The following TP63 variants were observed in gnomAD, a reference collection of about 807,000 sequenced individuals.
TP63 encodes tumor protein 63.
Under a neutral mutation model 82.8 loss-of-function variants are expected in TP63, and 17 were observed. The observed-to-expected ratio is 0.21, with a 90% CI of 0.14 to 0.31. TP63 has a LOEUF of 0.31. Ranked by LOEUF, TP63 falls within the 10% of genes least tolerant of loss-of-function variation. The pLI, the probability that TP63 is intolerant of heterozygous loss-of-function variation, is 1.00. For missense variants in TP63, 648 were observed against 895.3 expected, an observed-to-expected ratio of 0.72 and a Z score of 3.52; for synonymous variants, 330 against 321.7, an observed-to-expected ratio of 1.03 and a Z score of -0.28.
At chr3:189,837,949 A>T (rs1179824174) in intron 4 of TP63, among the ~76,000 whole-genome samples, 1 of 152,156 alleles carries the variant, frequency 6.6e-6, no homozygotes, top group Admixed American at 6.5e-5. Context: ...ATGCTGAAAA[A>T]TTTCATTGCT....
intron 3 of TP63, among the ~76,000 whole-genome samples, chr3:189,764,856 T>C (rs1202913019): frequency 6.6e-6 from 1 of 152,148 alleles, no homozygotes; most frequent in African/African-American, 2.4e-5. Context: ...GAAAATAAAC[T>C]AGAAATAAGA....
chr3:189,842,912 T>G (rs1322429027), intron 4 of TP63, among the ~76,000 whole-genome samples: 1 of 152,144 alleles, frequency 6.6e-6, no homozygotes, highest in Non-Finnish European at 1.5e-5. Context: ...ATATTACTGG[T>G]CAGGTGGGGT....
chr3:189,895,303 A>G lies in TP63; in HGVS notation c.*801A>G. The G allele has an allele frequency of 4.5e-6, 1 of 220,076 alleles. No individual in the cohort carries two copies. Among genetic ancestry groups the G allele is most frequent in the Non-Finnish European group, 9.1e-6 (1 of 109,830 alleles). The allele number at this position is 220,076 out of a possible 1,614,324, so 13.6% of individuals were successfully genotyped here. ...GTTGGGAATGAGGAAAATTCTTAAA[A>G]GGCCCATAGCAGCCAGTTCAAAAAC... On this transcript the variant is annotated 3_prime_UTR_variant, in exon 14 of 14. Coordinates refer to ENST00000264731, the MANE Select transcript of TP63 (RefSeq NM_003722.5).
intron 3 of TP63, among the ~76,000 whole-genome samples, chr3:189,739,398 G>A (rs1339552266): frequency 2.0e-5 from 3 of 152,192 alleles, no homozygotes; most frequent in Admixed American, 2.0e-4. Flanking sequence ...TTACAGGTGT[G>A]AGCCACTGTG....
At chr3:189,762,706 C>T (rs1722669669) in intron 3 of TP63, among the ~76,000 whole-genome samples, 1 of 152,158 alleles carries the variant, frequency 6.6e-6, no homozygotes, top group African/African-American at 2.4e-5. Context: ...AAATGTCAAG[C>T]TTGTGTACTT....
At chr3:189,732,248 T>C (rs1720225239) in intron 1 of TP63, among the ~76,000 whole-genome samples, 1 of 152,136 alleles carries the variant, frequency 6.6e-6, no homozygotes, top group Non-Finnish European at 1.5e-5. Flanking sequence ...ATGACTGATC[T>C]ATTCCAACTC....
At chr3:189,861,729 A>G (rs371644973) in intron 4 of TP63, among the ~76,000 whole-genome samples, 18 of 152,318 alleles carry the variant, frequency 1.2e-4, no homozygotes, top group African/African-American at 4.3e-4. Flanking sequence ...TAAGCATTGT[A>G]ATTGATTCAG....
intron 4 of TP63, among the ~76,000 whole-genome samples, chr3:189,820,652 C>T (rs891508338): frequency 4.6e-5 from 7 of 152,134 alleles, no homozygotes; most frequent in African/African-American, 1.7e-4. Context: ...GTACAATGCA[C>T]GCATTTTACA....
At chr3:189,670,401 G>A (rs1002819253) in intron 1 of TP63, among the ~76,000 whole-genome samples, 6 of 151,976 alleles carry the variant, frequency 3.9e-5, no homozygotes, top group Admixed American at 3.9e-4. Context: ...AGCACATGTT[G>A]AGCCATAAAA....
At chr3:189,654,194 A>T (rs773924434) in intron 1 of TP63, among the ~76,000 whole-genome samples, 1 of 152,166 alleles carries the variant, frequency 6.6e-6, no homozygotes, top group Non-Finnish European at 1.5e-5. Flanking sequence ...ATCCCACTAA[A>T]CATTTGAAAC....
At chr3:189,814,453 G>A (rs988784333) in intron 4 of TP63, among the ~76,000 whole-genome samples, 1 of 152,140 alleles carries the variant, frequency 6.6e-6, no homozygotes, top group Non-Finnish European at 1.5e-5. Context: ...TGGTACATGT[G>A]TTCGTGTTTA....
At chr3:189,663,063 G>T (rs1714067658) in intron 1 of TP63, among the ~76,000 whole-genome samples, 1 of 151,612 alleles carries the variant, frequency 6.6e-6, no homozygotes, top group Non-Finnish European at 1.5e-5. Context: ...TTAGAGTTTT[G>T]ATCATATTTT....
At chr3:189,703,355 G>A (rs556601694) in intron 1 of TP63, among the ~76,000 whole-genome samples, 1 of 152,208 alleles carries the variant, frequency 6.6e-6, no homozygotes, top group Non-Finnish European at 1.5e-5. Flanking sequence ...GAGACTGGGA[G>A]GTGGAGATTG....
At chr3:189,697,982 C>T (rs1399454451) in intron 1 of TP63, among the ~76,000 whole-genome samples, 1 of 151,934 alleles carries the variant, frequency 6.6e-6, no homozygotes, top group Non-Finnish European at 1.5e-5. Context: ...GTGAATAAAA[C>T]CAGTTTTATA....
chr3:189,839,958 A>G (rs1221258566), intron 4 of TP63, among the ~76,000 whole-genome samples: 1 of 152,190 alleles, frequency 6.6e-6, no homozygotes, highest in African/African-American at 2.4e-5. Flanking sequence ...TGGGCAACTT[A>G]TTTCACGTTT....
chr3:189,882,070 A>G (rs1719977929), intron 10 of TP63, among the ~76,000 whole-genome samples: 1 of 151,920 alleles, frequency 6.6e-6, no homozygotes, highest in African/African-American at 2.4e-5. Context: ...AAAAATCTTT[A>G]TATTTGAGAT....
the TP63 span, among the ~76,000 whole-genome samples, chr3:189,597,991 C>A: frequency 6.6e-6 from 1 of 150,506 alleles, no homozygotes; most frequent in South Asian, 2.1e-4. Flanking sequence ...AATAATTTTA[C>A]CAGAGACTTA....
intron 1 of TP63, among the ~76,000 whole-genome samples, chr3:189,639,065 G>T (rs545965135): frequency 6.9e-4 from 105 of 152,142 alleles, no homozygotes; most frequent in Non-Finnish European, 1.2e-3. Flanking sequence ...TCTGTTTGAG[G>T]ACAAGAGAGC....
intron 13 of TP63, among the ~76,000 whole-genome samples, chr3:189,893,950 T>C (rs1577212756): frequency 6.6e-6 from 1 of 152,166 alleles, no homozygotes; most frequent in Admixed American, 6.5e-5. Flanking sequence ...ATCCCAATTT[T>C]ACCAATGAAG....
Sources: gnomAD v4.1 joint callset for allele counts (sites outside exome capture counted in the v4.1 genomes callset) on GRCh38, gnomAD v4.1.1 for gene constraint, MANE v1.5 for transcripts, NCBI Gene and HGNC (gene_info 2026-07-23, HGNC 2026-07-21) for gene names.